The following EPS15 variants were observed in gnomAD, a reference collection of about 807,000 sequenced individuals.
EPS15 encodes epidermal growth factor receptor substrate 15.
Under a neutral mutation model 113.8 loss-of-function variants are expected in EPS15, and 72 were observed. That is an observed-to-expected ratio of 0.63 (90% CI 0.52 to 0.77). EPS15 has a LOEUF of 0.77. Among genes scored for constraint, EPS15 ranks in the 30% least tolerant of loss-of-function variants. The probability of loss-of-function intolerance (pLI) is 0.00; values close to 1 mark genes in which losing one functional copy is unlikely to be tolerated. For missense variants in EPS15, 1,048 were observed against 1,045.8 expected (o/e 1.00, Z -0.03); for synonymous variants, 344 against 363.4 (o/e 0.95, Z 0.61).
chr1:51,442,851 CAAGA>C (rs1652702335), intron 11 of EPS15, among the ~76,000 whole-genome samples: 1 of 151,704 alleles, frequency 6.6e-6, no homozygotes, highest in Non-Finnish European at 1.5e-5. Flanking sequence ...ACTGACAGTA[CAAGA>C]AAGGCGAAAA....
intron 1 of EPS15, among the ~76,000 whole-genome samples, chr1:51,498,639 G>A (rs1245776751): frequency 6.6e-6 from 1 of 152,052 alleles, no homozygotes; most frequent in Non-Finnish European, 1.5e-5. Flanking sequence ...CTTACTATGG[G>A]TTTATCAGGA....
intron 12 of EPS15, among the ~76,000 whole-genome samples, chr1:51,439,496 A>C (rs1652418514): frequency 6.6e-6 from 1 of 152,080 alleles, no homozygotes; most frequent in Non-Finnish European, 1.5e-5. Context: ...AAAGAAAAAG[A>C]CTGGTGTGAA....
intron 21 of EPS15, among the ~76,000 whole-genome samples, chr1:51,389,547 CATGATTAT>C (rs1647198349): frequency 6.6e-6 from 1 of 152,220 alleles, no homozygotes; most frequent in South Asian, 2.1e-4. Context: ...TTGCAGATGA[CATGATTAT>C]ATATCTAGAA....
intron 1 of EPS15, among the ~76,000 whole-genome samples, chr1:51,506,689 TAG>T (rs1168478687): frequency 1.3e-5 from 2 of 149,888 alleles, no homozygotes; most frequent in African/African-American, 4.9e-5. Flanking sequence ...TGGCTCAAAG[TAG>T]AGTCAAGAGA....
intron 8 of EPS15, among the ~76,000 whole-genome samples, chr1:51,452,310 G>GCTCAA (rs1238151235): frequency 6.6e-6 from 1 of 151,558 alleles, no homozygotes; most frequent in East Asian, 1.9e-4. Flanking sequence ...ATTGACAAAG[G>GCTCAA]CTCACTCTGT....
intron 8 of EPS15, among the ~76,000 whole-genome samples, chr1:51,455,281 T>C (rs1444730815): frequency 6.6e-6 from 1 of 152,160 alleles, no homozygotes; most frequent in Non-Finnish European, 1.5e-5. Context: ...ATTTCTAGTT[T>C]TCAAATCATA....
chr1:51,491,239 A>G (rs1644227400), intron 1 of EPS15, among the ~76,000 whole-genome samples: 1 of 152,216 alleles, frequency 6.6e-6, no homozygotes, highest in Admixed American at 6.5e-5. Context: ...ATATTAACAC[A>G]TAAAAATTCA....
At chr1:51,489,140 T>TAAAA (rs537853692) in intron 1 of EPS15, among the ~76,000 whole-genome samples, 6 of 136,910 alleles carry the variant, frequency 4.4e-5, no homozygotes, top group African/African-American at 1.1e-4. Flanking sequence ...CTAACTAATG[T>TAAAA]AAAAAAAAAA....
intron 12 of EPS15, among the ~76,000 whole-genome samples, chr1:51,436,364 A>T (rs987618345): frequency 6.6e-6 from 1 of 152,160 alleles, no homozygotes; most frequent in African/African-American, 2.4e-5. Context: ...TACAGCCATG[A>T]TCCAGATAAA....
chr1:51,393,570 C>G (rs6673480), intron 21 of EPS15, among the ~76,000 whole-genome samples: 1 of 152,174 alleles, frequency 6.6e-6, no homozygotes, highest in South Asian at 2.1e-4. Context: ...ATTAATACAT[C>G]TGTATACTGA....
At chr1:51,491,062 TAAG>T (rs1644223913) in intron 1 of EPS15, among the ~76,000 whole-genome samples, 1 of 152,130 alleles carries the variant, frequency 6.6e-6, no homozygotes, top group South Asian at 2.1e-4. Context: ...AATCAGGCAG[TAAG>T]AACACTGTGC....
chr1:51,470,382 C>T (rs1419099421), intron 4 of EPS15, among the ~76,000 whole-genome samples: 14 of 152,134 alleles, frequency 9.2e-5, no homozygotes, highest in African/African-American at 3.4e-4. Flanking sequence ...CGGTGGCTCA[C>T]GCCTGTAATC....
intron 24 of EPS15, among the ~76,000 whole-genome samples, chr1:51,357,417 TATATATATA>T (rs1267425638): frequency 1.1e-3 from 73 of 64,766 alleles, no homozygotes; most frequent in East Asian, 2.5e-3. Context: ...TATATATATA[TATATATATA>T]TTTTTTTTTT....
chr1:51,456,832 G>A (rs2148493969), intron 8 of EPS15, among the ~76,000 whole-genome samples: 1 of 152,142 alleles, frequency 6.6e-6, no homozygotes, highest in East Asian at 1.9e-4. Flanking sequence ...AAAGTAAAAG[G>A]ATAAAGAAAG....
chr1:51,405,495 G>A (rs1188067100), intron 16 of EPS15, among the ~76,000 whole-genome samples: 2 of 152,064 alleles, frequency 1.3e-5, no homozygotes, highest in Non-Finnish European at 2.9e-5. Context: ...TCAGGAGTTC[G>A]AAACCAGCCT....
chr1:51,489,483 G>A (rs1053006551), intron 1 of EPS15, among the ~76,000 whole-genome samples: 3 of 151,750 alleles, frequency 2.0e-5, no homozygotes, highest in Non-Finnish European at 2.9e-5. Flanking sequence ...CACCACGCCA[G>A]ACTATTTTAT....
At chr1:51,510,661 A>T (rs1298887840) in intron 1 of EPS15, among the ~76,000 whole-genome samples, 1 of 152,160 alleles carries the variant, frequency 6.6e-6, no homozygotes, top group Non-Finnish European at 1.5e-5. Context: ...GAGGGAGGAG[A>T]TCACACTAAA....
intron 12 of EPS15, among the ~76,000 whole-genome samples, chr1:51,437,874 G>A (rs569849747): frequency 2.6e-5 from 4 of 152,004 alleles, no homozygotes; most frequent in African/African-American, 4.8e-5. Context: ...AGCCACAAAC[G>A]AAATCTGTTT....
intron 8 of EPS15, 66 bp from the exon 9 acceptor site, chr1:51,448,201 T>A (rs932488571): frequency 2.2e-6 from 2 of 900,518 alleles, no homozygotes; most frequent in Non-Finnish European, 3.4e-6. Flanking sequence ...CTGAATTGAT[T>A]ATTGTTCAAT....
Sources: gnomAD v4.1 joint callset for allele counts (sites outside exome capture counted in the v4.1 genomes callset) on GRCh38, gnomAD v4.1.1 for gene constraint, MANE v1.5 for transcripts, NCBI Gene and HGNC (gene_info 2026-07-23, HGNC 2026-07-21) for gene names.